The following ALG13 variants were observed in gnomAD, a reference collection of about 807,000 sequenced individuals.
The protein encoded by ALG13 is ALG13 UDP-N-acetylglucosaminyltransferase subunit.
Under a neutral mutation model 87.8 loss-of-function variants are expected in ALG13, and 11 were observed. The observed-to-expected ratio is 0.13, with a 90% CI of 0.08 to 0.21. The LOEUF (loss-of-function observed/expected upper bound fraction) is 0.21. Ranked by LOEUF, ALG13 falls within the 10% of genes least tolerant of loss-of-function variation. The pLI, the probability that ALG13 is intolerant of heterozygous loss-of-function variation, is 1.00. For synonymous variants in ALG13, 320 were observed against 306.3 expected (o/e 1.04, Z -0.47); for missense variants, 756 against 866.1 (o/e 0.87, Z 1.60).
At chrX:111,727,250 A>G in intron 16 of ALG13, 82 bp from the exon 17 acceptor site, 2 of 907,669 alleles carry the variant, frequency 2.2e-6, no homozygotes, top group Non-Finnish European at 3.1e-6. Context: ...AGAAAGACAG[A>G]TTAGTTCTAT....
At chrX:111,754,130 A>G (rs952762830) in intron 25 of ALG13, among the ~76,000 whole-genome samples, 34 of 111,974 alleles carry the variant, frequency 3.0e-4, no homozygotes, top group Admixed American at 2.0e-3. Flanking sequence ...TATGCAAATC[A>G]ATAAATGTAA....
chrX:111,735,731 C>T (rs1943169909), intron 22 of ALG13, among the ~76,000 whole-genome samples: 1 of 111,013 alleles, frequency 9.0e-6, no homozygotes, highest in African/African-American at 3.3e-5. Flanking sequence ...GATTTGTTGA[C>T]ATAGAGACCA....
chrX:111,681,429 C>T, intron 1 of ALG13, 130 bp downstream of exon 1: 1 of 1,141,089 alleles, frequency 8.8e-7, no homozygotes, highest in African/African-American at 1.8e-5. Flanking sequence ...CCACAGGTGC[C>T]GCTGCCCCTT....
In ALG13 at chrX:111,727,421, A is replaced by T; in HGVS notation, c.2066A>T (p.Tyr689Phe). The change falls in exon 17 of 27, where the codon TAT (tyrosine) becomes TTT (phenylalanine). Residue 689 changes from tyrosine to phenylalanine, a missense_variant. Physicochemically the swap from Tyr to Phe is conservative, Grantham distance 22. Coordinates refer to ENST00000394780, the MANE Select transcript of ALG13 (RefSeq NM_001099922.3). ...CCAGGTAAAAGGTGCTGCCAGAGCT[A>T]TGATAACTTCTCTTATAGATCTCGG... is the stretch of plus-strand genomic sequence containing the variant. ...PGPGKRCCQSYDNFSYRSRSF... is the reference protein window; with the variant it reads ...PGPGKRCCQSFDNFSYRSRSF... 1 of 1,207,677 alleles carries T rather than the reference A, an allele frequency of 8.3e-7. No individual in the cohort carries two copies. The highest frequency in any genetic ancestry group is 1.8e-5 in the South Asian group (1 of 56,294).
chrX:111,682,795 G>T (rs1403026749), intron 2 of ALG13, among the ~76,000 whole-genome samples: 1 of 111,826 alleles, frequency 8.9e-6, no homozygotes, highest in Non-Finnish European at 1.9e-5. Flanking sequence ...TGGAGAAATT[G>T]GAATTGTAAG....
chrX:111,698,827 G>A (rs1937336459), intron 3 of ALG13, among the ~76,000 whole-genome samples: 1 of 111,300 alleles, frequency 9.0e-6, no homozygotes, highest in African/African-American at 3.3e-5. Flanking sequence ...GAACACGGGA[G>A]TGCAGGTATC....
chrX:111,753,329 ATACCCACATGAGAAAC>A (rs1293568033), intron 25 of ALG13, among the ~76,000 whole-genome samples: 1 of 112,074 alleles, frequency 8.9e-6, no homozygotes, highest in Non-Finnish European at 1.9e-5. Context: ...ATAGCACTAA[ATACCCACATGAGAAAC>A]TGGGAAATAT....
At chrX:111,725,798 A>G (rs1941930624) in intron 15 of ALG13, among the ~76,000 whole-genome samples, 1 of 112,129 alleles carries the variant, frequency 8.9e-6, no homozygotes, top group African/African-American at 3.2e-5. Flanking sequence ...TGAGGGGGAA[A>G]AATATTTCTT....
At chrX:111,742,830 A>G (rs762338206) in intron 23 of ALG13, among the ~76,000 whole-genome samples, 3 of 112,374 alleles carry the variant, frequency 2.7e-5, no homozygotes, top group African/African-American at 9.7e-5. Context: ...AGCTACATGG[A>G]TGGGGGAAAT....
In ALG13 at chrX:111,690,552, A is replaced by G. The variant is rs1935948729; in HGVS notation, c.383+5449A>G. 2.7e-5 allele frequency among the ~76,000 whole-genome samples: 3 copies of G among 111,830 alleles called. No individual in the cohort carries two copies. The South Asian group carries it at 1.1e-3, about 42-fold the overall frequency. ...TCTGGAACATTTAAAAGTAGTCATT[A>G]TCTGCAAGTACCATCAAGTATCTGA... On this transcript the variant is annotated intron_variant, in intron 3 of 26. Transcript: ENST00000394780.
rs1253897394 is a variant in ALG13 at position 111,705,736 on chromosome X, C to A, written c.384-2291C>A. The stretch of plus-strand genomic sequence containing the variant: ...TTTTTTCTATTCAACTGATTTTGCA[C>A]CTTTGTCAAAAATCAATGGACCATA... On this transcript the variant is annotated intron_variant, in intron 3 of 26. Transcript: ENST00000394780. Among the ~76,000 whole-genome samples, 22 of 111,311 alleles carry A rather than the reference C, an allele frequency of 2.0e-4. No individual in the cohort carries two copies. In the Admixed American group the frequency reaches 2.0e-3, roughly 10 times the overall value.
intron 25 of ALG13, 91 bp downstream of exon 25, chrX:111,752,921 A>T: frequency 3.2e-6 from 2 of 620,443 alleles, no homozygotes; most frequent in South Asian, 5.9e-5. Context: ...GAAAGCCAAA[A>T]TCACTAAGGG....
intron 6 of ALG13, among the ~76,000 whole-genome samples, 187 bp from the exon 7 acceptor site, chrX:111,712,297 T>C (rs1006002433): frequency 9.0e-6 from 1 of 111,624 alleles, no homozygotes; most frequent in Non-Finnish European, 1.9e-5. Context: ...TTTAGATCCT[T>C]CTTTCAGGAT....
In ALG13 at chrX:111,743,906, TAAAA is replaced by T. The variant is rs564106741; in HGVS notation, c.2696-753_2696-750del. The T allele has an allele frequency of 1.4e-3, 144 of 105,526 alleles. 1 individual carries two copies. The highest frequency in any genetic ancestry group is 5.0e-3 in the Middle Eastern group (1 of 201). The allele number at this position is 105,526 out of a possible 1,213,427, so 8.7% of individuals were successfully genotyped here. On this transcript the variant is annotated intron_variant, in intron 23 of 26. Coordinates refer to ENST00000394780, the MANE Select transcript of ALG13 (RefSeq NM_001099922.3). ...GAAGGTTTGTATCATTCATCTTTTG[TAAAA>T]AAAAAAAATTAACAAATTTGCGTGT... is the stretch of plus-strand genomic sequence containing the variant.
intron 3 of ALG13, chrX:111,688,859 TAG>T: frequency 1.3e-6 from 1 of 753,041 alleles, no homozygotes; most frequent in Non-Finnish European, 1.6e-6. Flanking sequence ...TCTTTCTGAT[TAG>T]AGTGTGTGGT....
At chrX:111,757,494 T>C in intron 25 of ALG13, 94 bp from the exon 26 acceptor site, 1 of 117,856 alleles carries the variant, frequency 8.5e-6, no homozygotes, top group South Asian at 3.5e-4. Context: ...CCAATTCTTA[T>C]TTTTTTTTTT....
chrX:111,682,780 G>A (rs1447073957), intron 2 of ALG13, among the ~76,000 whole-genome samples: 2 of 111,911 alleles, frequency 1.8e-5, no homozygotes, highest in African/African-American at 6.5e-5. Flanking sequence ...TGGTTGGATT[G>A]GTCATGGAGA....
At chrX:111,737,642 A>G (rs144691110) in intron 23 of ALG13, among the ~76,000 whole-genome samples, 69 of 112,142 alleles carry the variant, frequency 6.2e-4, no homozygotes, top group African/African-American at 2.2e-3. Flanking sequence ...ATCAGGGTCT[A>G]TGAGGGAGCA....
intron 3 of ALG13, among the ~76,000 whole-genome samples, chrX:111,691,051 G>A (rs908744453): frequency 9.0e-6 from 1 of 111,140 alleles, no homozygotes; most frequent in Non-Finnish European, 1.9e-5. Flanking sequence ...CATCATGATA[G>A]CCATGTGGTG....
Sources: allele counts gnomAD v4.1 joint callset (sites outside exome capture counted in the v4.1 genomes callset), GRCh38; gene constraint gnomAD v4.1.1; transcripts MANE v1.5; gene names NCBI Gene and HGNC (gene_info 2026-07-23, HGNC 2026-07-21).